Variants in COL6A6 observed in about 807,000 individuals in gnomAD.
The protein encoded by COL6A6 is collagen alpha-6(VI) chain.
COL6A6 carries 183 observed loss-of-function variants against 208.6 expected under a neutral mutation model. That is an observed-to-expected ratio of 0.88 (90% CI 0.78 to 0.99). The LOEUF (loss-of-function observed/expected upper bound fraction) is 0.99, where lower values mean the gene tolerates loss of function less well. Ranked by LOEUF, COL6A6 falls within the 50% of genes least tolerant of loss-of-function variation. COL6A6 has a pLI of 0.00. For missense variants in COL6A6, 2,816 were observed against 2,815.2 expected (o/e 1.00, Z -0.01); for synonymous variants, 973 against 1,011.8 (o/e 0.96, Z 0.73).
chr3:130,517,172 G>A (rs1710779928), upstream of COL6A6, among the ~76,000 whole-genome samples: 1 of 152,324 alleles, frequency 6.6e-6, no homozygotes, highest in African/African-American at 2.4e-5. Context: ...AGGGGCGTGG[G>A]AGCTGCCACC....
intron 10 of COL6A6, among the ~76,000 whole-genome samples, chr3:130,585,403 A>G (rs1464565633): frequency 1.3e-5 from 2 of 152,196 alleles, no homozygotes; most frequent in Admixed American, 6.5e-5. Flanking sequence ...TATACATACC[A>G]ATAGAGTTAT....
chr3:130,665,277 G>C (rs2066047824), intron 36 of COL6A6, among the ~76,000 whole-genome samples, 181 bp downstream of exon 36: 1 of 151,712 alleles, frequency 6.6e-6, no homozygotes, highest in Non-Finnish European at 1.5e-5. Context: ...TGACCATGCT[G>C]ATCTGAAAAA....
intron 31 of COL6A6, among the ~76,000 whole-genome samples, chr3:130,643,979 C>T (rs1338877205): frequency 6.6e-6 from 1 of 152,044 alleles, no homozygotes; most frequent in African/African-American, 2.4e-5. Context: ...TCAGTTAGTG[C>T]GGTGGGTTTT....
intron 11 of COL6A6, among the ~76,000 whole-genome samples, chr3:130,587,412 C>T (rs2063568397): frequency 6.6e-6 from 1 of 152,218 alleles, no homozygotes. Context: ...CCGGCGCCCG[C>T]CACCATGCCC....
intron 1 of COL6A6, among the ~76,000 whole-genome samples, chr3:130,521,028 C>G (rs1460256684): frequency 6.6e-6 from 1 of 152,076 alleles, no homozygotes; most frequent in African/African-American, 2.4e-5. Context: ...AAATGTAAAC[C>G]TCAGTATTCT....
At chr3:130,674,322 T>C (rs143275013) in intron 36 of COL6A6, among the ~76,000 whole-genome samples, 349 of 152,308 alleles carry the variant, frequency 2.3e-3, no homozygotes, top group African/African-American at 8.0e-3. Flanking sequence ...TAGTACAGAT[T>C]CTAGGACACT....
At chr3:130,644,930 G>T (rs1283188431) in intron 31 of COL6A6, 61 bp from the exon 32 acceptor site, 34 of 1,509,702 alleles carry the variant, frequency 2.3e-5, no homozygotes, top group Non-Finnish European at 3.1e-5. Flanking sequence ...TTTCCTGCAC[G>T]ATACAGAACT....
intron 35 of COL6A6, among the ~76,000 whole-genome samples, chr3:130,662,652 A>C (rs1021701974): frequency 6.6e-6 from 1 of 152,184 alleles, no homozygotes; most frequent in Non-Finnish European, 1.5e-5. Context: ...CTTGCAGTGT[A>C]ACCTTAGCAC....
chr3:130,619,293 C>G (rs4682601), intron 23 of COL6A6, among the ~76,000 whole-genome samples: 46,333 of 151,906 alleles, frequency 0.31, 8,930 homozygotes, highest in African/African-American at 0.51. Context: ...AACAGTGATG[C>G]TAAAGGTAGG....
intron 22 of COL6A6, among the ~76,000 whole-genome samples, chr3:130,610,057 A>G (rs1018626204): frequency 1.3e-5 from 2 of 151,520 alleles, no homozygotes; most frequent in Non-Finnish European, 2.9e-5. Context: ...ATGCTAAGCA[A>G]GTAATACTAT....
chr3:130,570,236 G>A (rs997266052), intron 6 of COL6A6, among the ~76,000 whole-genome samples: 9 of 152,056 alleles, frequency 5.9e-5, no homozygotes, highest in Non-Finnish European at 1.3e-4. Context: ...AGTGCGAAGT[G>A]GGCTTATTTC....
At chr3:130,670,324 G>C (rs1014089450) in intron 36 of COL6A6, among the ~76,000 whole-genome samples, 4 of 152,234 alleles carry the variant, frequency 2.6e-5, no homozygotes, top group Non-Finnish European at 4.4e-5. Flanking sequence ...TTTTCACCAA[G>C]TCAGGCTAAG....
At chr3:130,537,243 GC>G (rs1175241776) in intron 1 of COL6A6, among the ~76,000 whole-genome samples, 1 of 152,196 alleles carries the variant, frequency 6.6e-6, no homozygotes, top group Non-Finnish European at 1.5e-5. Flanking sequence ...TCAATTAATA[GC>G]TGTGTGACTT....
chr3:130,547,890 C>G (rs1038843343), intron 1 of COL6A6, among the ~76,000 whole-genome samples: 2 of 152,186 alleles, frequency 1.3e-5, no homozygotes, highest in African/African-American at 4.8e-5. Context: ...CTTCGCCTCC[C>G]GGGTTCAAGT....
chr3:130,635,929 C>A (rs1287913758), intron 28 of COL6A6, among the ~76,000 whole-genome samples, 168 bp downstream of exon 28: 1 of 152,220 alleles, frequency 6.6e-6, no homozygotes, highest in Non-Finnish European at 1.5e-5. Context: ...TCTCTCAATG[C>A]CAGTGCAAAA....
At position 130,589,214 on chromosome 3, in the gene COL6A6, G is replaced by A. The variant is rs764611735; in HGVS notation, c.4218+32G>A. 7 of 1,497,028 alleles carry A rather than the reference G, an allele frequency of 4.7e-6. No individual in the cohort carries two copies. The South Asian group carries it at 7.9e-5, about 17-fold the overall frequency. 92.7% of individuals were successfully genotyped at this position (1,497,028 alleles called of 1,614,324 possible). ...TTAGCTCAGATTTATGGGTTACTTT[G>A]AGTTGTAGTATGTCCTTCAGACATG... is the stretch of plus-strand genomic sequence containing the variant. On this transcript the variant is annotated intron_variant, in intron 12 of 36. Transcript: ENST00000358511.
Position 130,574,385 on chromosome 3 carries a change from G to A in COL6A6, c.3407G>A (p.Gly1136Asp), listed in dbSNP as rs764628150. Residue 1136 changes from glycine (G) to aspartate (D), a missense_variant, in exon 8 of 37, where the codon GGC becomes GAC. Coordinates refer to ENST00000358511, the MANE Select transcript of COL6A6 (RefSeq NM_001102608.3). The stretch of plus-strand genomic sequence containing the variant: ...AGAGGTATCGACATCTACTCCGTGG[G>A]CATTGGGGATGTGGATGACCAGCAG... ...RHRGIDIYSV[G>D]IGDVDDQQLI... 1.2e-6 allele frequency: 2 copies of A among 1,614,052 alleles called. No individual in the cohort carries two copies. Among genetic ancestry groups the A allele is most frequent in the South Asian group, 2.2e-5 (2 of 91,086 alleles).
intron 10 of COL6A6, among the ~76,000 whole-genome samples, chr3:130,582,423 C>T (rs1256646907): frequency 8.5e-5 from 13 of 152,108 alleles, no homozygotes; most frequent in Admixed American, 8.5e-4. Context: ...GTATATTTCT[C>T]CTTGACCAGG....
In COL6A6 at chr3:130,635,711, G is replaced by T; in HGVS notation, c.5041G>T (p.Asp1681Tyr). ...TAAATGTATTTAGGGTGAGATTGGG[G>T]ACCCTGGTGGTCCAGGAGAGACTGG... ...GESGPKGEIG[D>Y]PGGPGETGLK... The change falls in exon 28 of 37, where the codon GAC becomes TAC. Residue 1681 changes from aspartate to tyrosine, a missense_variant. By Grantham distance (160) the Asp-to-Tyr change is radical (BLOSUM62 -3). Coordinates refer to ENST00000358511, the MANE Select transcript of COL6A6 (RefSeq NM_001102608.3). 6.2e-7 allele frequency: 1 copy of T among 1,608,562 alleles called. No individual in the cohort carries two copies. Among genetic ancestry groups the T allele is most frequent in the South Asian group, 1.1e-5 (1 of 90,744 alleles).
Sources: gnomAD v4.1 joint callset for allele counts (sites outside exome capture counted in the v4.1 genomes callset) on GRCh38, gnomAD v4.1.1 for gene constraint, MANE v1.5 for transcripts, NCBI Gene and HGNC (gene_info 2026-07-23, HGNC 2026-07-21) for gene names.